The following HMX1 variants were observed in gnomAD, a reference collection of about 807,000 sequenced individuals.
HMX1 encodes H6 family homeobox 1, also known as homeobox protein HMX1.
In HMX1, 8 loss-of-function variants were observed where a neutral mutation model predicts 8.9. That is an observed-to-expected ratio of 0.90 (90% CI 0.53 to 1.63). The LOEUF (loss-of-function observed/expected upper bound fraction) is 1.63, where lower values mean the gene tolerates loss of function less well. HMX1 is among the 40% of genes most tolerant of loss of function. The pLI is 0.00. For missense variants in HMX1, 621 were observed against 558.5 expected (o/e 1.11, Z -1.13); for synonymous variants, 311 against 283.4 (o/e 1.10, Z -0.98).
In HMX1 at chr4:8,853,606, C is replaced by T. The variant is rs576061390; in HGVS notation, c.395-7282G>A. Reference sequence around the variant, plus strand: ...GTGGCTCACACCTGTAATCCCAGCACTTTGGCAGGCCAAGGCGGGCGGATC... The same window carrying T: ...GTGGCTCACACCTGTAATCCCAGCATTTTGGCAGGCCAAGGCGGGCGGATC... On this transcript the variant is annotated intron_variant, in intron 1 of 1. Transcript: ENST00000506970. This position sits in a 1 kb window ranked among gnomAD's most constrained non-coding sequence, Gnocchi z 4.7. Among the ~76,000 whole-genome samples, 1 of 152,336 alleles carries T rather than the reference C, an allele frequency of 6.6e-6. No homozygotes were observed. Among genetic ancestry groups the T allele is most frequent in the Admixed American group, 6.5e-5 (1 of 15,302 alleles).
At chr4:8,860,379 A>G (rs1721758944) in intron 1 of HMX1, among the ~76,000 whole-genome samples, 1 of 152,228 alleles carries the variant, frequency 6.6e-6, no homozygotes, top group African/African-American at 2.4e-5. Context: ...CACAGCAGCA[A>G]GCAATGCACC....
At chr4:8,862,798 G>A (rs1721870824), downstream of HMX1, among the ~76,000 whole-genome samples, 2 of 152,054 alleles carry the variant, frequency 1.3e-5, no homozygotes, top group Admixed American at 1.3e-4. Context: ...ACGTGGCGAG[G>A]GCCGTTTGCT....
In HMX1 at chr4:8,847,993, T is replaced by G. The variant is rs959019151; in HGVS notation, c.395-1669A>C. On this transcript the variant is annotated intron_variant, in intron 1 of 1. Coordinates refer to the HMX1 transcript ENST00000506970. The surrounding 1 kb of genome is among the most constrained non-coding windows in gnomAD (Gnocchi z 6.0). Reference sequence around the variant, plus strand: ...CTGGAGCGCCAGGTCCAGGGTGACATCTGAGCTCAGCGAACCGAATTTTGA... The same window carrying G: ...CTGGAGCGCCAGGTCCAGGGTGACAGCTGAGCTCAGCGAACCGAATTTTGA... 2.6e-5 allele frequency among the ~76,000 whole-genome samples: 4 copies of G among 152,158 alleles called. No individual in the cohort carries two copies. Among genetic ancestry groups the G allele is most frequent in the African/African-American group, 9.7e-5 (4 of 41,426 alleles).
chr4:8,856,567 T>TA (rs1721614297), intron 1 of HMX1, among the ~76,000 whole-genome samples: 1 of 152,056 alleles, frequency 6.6e-6, no homozygotes, highest in Admixed American at 6.6e-5. Context: ...TTTTCTTTCT[T>TA]AAAAAAATGG....
chr4:8,867,559 C>A lies in HMX1; in HGVS notation c.*134G>T. The A allele has an allele frequency of 8.4e-7, 1 of 1,186,878 alleles. No individual in the cohort carries two copies. Among genetic ancestry groups the A allele is most frequent in the Non-Finnish European group, 1.0e-6 (1 of 959,268 alleles). 73.5% of individuals were successfully genotyped at this position (1,186,878 alleles called of 1,614,324 possible). ...CTGAGGCCCGCCCGGCCGCGGCCTGCGCTCCCGAGGTATCTAGGAGGCCGC... is the reference window on the plus strand; with the variant it reads ...CTGAGGCCCGCCCGGCCGCGGCCTGAGCTCCCGAGGTATCTAGGAGGCCGC... On this transcript the variant is annotated 3_prime_UTR_variant, in exon 2 of 2. Transcript: ENST00000400677.
chr4:8,855,528 T>C (rs1017437260), intron 1 of HMX1, among the ~76,000 whole-genome samples: 10 of 152,104 alleles, frequency 6.6e-5, no homozygotes, highest in African/African-American at 2.4e-4. Context: ...GTGAGTGCCC[T>C]GGACAGATGG....
downstream of HMX1, among the ~76,000 whole-genome samples, chr4:8,863,882 G>T (rs1472432911): frequency 6.6e-6 from 1 of 152,232 alleles, no homozygotes; most frequent in African/African-American, 2.4e-5. Context: ...GTCATTTCCC[G>T]AGGACAGGAC....
chr4:8,867,704 C>T lies in HMX1; in HGVS notation c.1036G>A (p.Gly346Ser), dbSNP rs535529989. The T allele has an allele frequency of 3.1e-6, 4 of 1,272,766 alleles. No homozygotes were observed. The African/African-American group carries it at 4.6e-5, about 15-fold the overall frequency. 78.8% of individuals were successfully genotyped at this position (1,272,766 alleles called of 1,614,324 possible). Residue 346 changes from glycine to serine, a missense_variant, in exon 2 of 2, where the codon GGC becomes AGC. By Grantham distance (56) the Gly-to-Ser change is moderately conservative. Coordinates refer to ENST00000400677, the MANE Select transcript of HMX1 (RefSeq NM_018942.3). ...SVPFLRAQMP[G>S]LV ...CCGGCAGGCGGGGCTCACACCAGGC[C>T]AGGCATCTGCGCCCGCAGAAAGGGC... is the stretch of plus-strand genomic sequence containing the variant.
chr4:8,868,263 C>A lies in HMX1; in HGVS notation c.477G>T (p.Ala159=). The A allele has an allele frequency of 1.4e-6, 2 of 1,440,750 alleles. No homozygotes were observed. Among genetic ancestry groups the A allele is most frequent in the Non-Finnish European group, 1.8e-6 (2 of 1,103,730 alleles). 89.2% of individuals were successfully genotyped at this position (1,440,750 alleles called of 1,614,324 possible). The change falls in exon 2 of 2, where the codon GCG becomes GCT. Residue 159 remains alanine (A), a synonymous_variant. Transcript: ENST00000400677. This position sits in a 1 kb window ranked among gnomAD's most constrained non-coding sequence, Gnocchi z 4.6. The part of the protein sequence containing the change: ...GAWPRGPGPG[A]VQREAAELAA... Reference sequence around the variant, plus strand: ...CCAGCTCCGCTGCCTCCCGCTGCACCGCTCCCGGCCCGGGGCCTCGCGGCC... The same window carrying A: ...CCAGCTCCGCTGCCTCCCGCTGCACAGCTCCCGGCCCGGGGCCTCGCGGCC...
At chr4:8,864,413 G>T (rs1411798852), downstream of HMX1, among the ~76,000 whole-genome samples, 2 of 152,156 alleles carry the variant, frequency 1.3e-5, no homozygotes, top group African/African-American at 2.4e-5. Flanking sequence ...TGCGGAGAGG[G>T]TGAGGAGGTG....
At chr4:8,864,475 C>A (rs746263658), downstream of HMX1, among the ~76,000 whole-genome samples, 3 of 152,274 alleles carry the variant, frequency 2.0e-5, no homozygotes, top group Non-Finnish European at 4.4e-5. Flanking sequence ...GGAGGCAGAT[C>A]GAAGCCATTC....
At chr4:8,861,419 A>G (rs1721814001) in intron 1 of HMX1, among the ~76,000 whole-genome samples, 3 of 151,796 alleles carry the variant, frequency 2.0e-5, no homozygotes, top group African/African-American at 7.3e-5. Context: ...TGTCTCCCCG[A>G]CCCCGACTCG....
At chr4:8,863,829 A>C (rs933125342), downstream of HMX1, among the ~76,000 whole-genome samples, 14 of 152,206 alleles carry the variant, frequency 9.2e-5, no homozygotes, top group African/African-American at 3.4e-4. Context: ...AGTAGCTCCG[A>C]TCCCTGTGGA....
In HMX1 at chr4:8,871,071, C is replaced by CT. The variant is rs1722196135; in HGVS notation, c.394+149_394+150insA. 2 of 866,598 alleles carry CT rather than the reference C, an allele frequency of 2.3e-6. No individual in the cohort carries two copies. Among genetic ancestry groups the CT allele is most frequent in the South Asian group, 6.0e-5 (2 of 33,608 alleles). 53.7% of individuals were successfully genotyped at this position (866,598 alleles called of 1,614,324 possible). A position where few individuals can be genotyped will look rare whatever the true frequency, so the allele number is the denominator to read the frequency against. On this transcript the variant is annotated intron_variant, in intron 1 of 1. Transcript: ENST00000400677. The surrounding 1 kb of genome is among the most constrained non-coding windows in gnomAD (Gnocchi z 4.8). ...CTCCAAACCAGCCCAACCAGGGGCTCCTGGGGGCCCCACAAGGCCCAGACG... is the reference window on the plus strand; with the variant it reads ...CTCCAAACCAGCCCAACCAGGGGCTCTCTGGGGGCCCCACAAGGCCCAGACG...
Position 8,871,441 on chromosome 4 carries a change from C to A in HMX1, c.174G>T (p.Glu58Asp). Residue 58 changes from glutamate (E) to aspartate (D), a missense_variant, in exon 1 of 2, where the codon GAG (glutamate) becomes GAT (aspartate). Glu to Asp is a conservative substitution (Grantham distance 45, BLOSUM62 2). Transcript: ENST00000400677. The surrounding 1 kb of genome is among the most constrained non-coding windows in gnomAD (Gnocchi z 4.8). Reference protein sequence around the residue: ...DDDDPEDEDAEQARRRRLQRR... With the variant: ...DDDDPEDEDADQARRRRLQRR... ...GCTGTAGCCGTCGCCGCCGCGCCTG[C>A]TCGGCGTCCTCGTCTTCGGGGTCGT... The A allele has an allele frequency of 7.5e-7, 1 of 1,328,556 alleles. No individual in the cohort carries two copies. Among genetic ancestry groups the A allele is most frequent in the South Asian group, 1.6e-5 (1 of 63,418 alleles). The allele number at this position is 1,328,556 out of a possible 1,614,324, so 82.3% of individuals were successfully genotyped here.
chr4:8,860,892 A>AG (rs1168857509), intron 1 of HMX1: 1 of 145,240 alleles, frequency 6.9e-6, no homozygotes, highest in Non-Finnish European at 1.5e-5. Context: ...GTGAGAACTG[A>AG]GGGGCGAGGC....
rs917426461 is a variant in HMX1 at position 8,871,228 on chromosome 4, A to T, written c.387T>A (p.Ser129Arg). 3.4e-6 allele frequency: 5 copies of T among 1,478,300 alleles called. No individual in the cohort carries two copies. The highest frequency in any genetic ancestry group is 4.5e-6 in the Non-Finnish European group (5 of 1,120,992). 91.6% of individuals were successfully genotyped at this position (1,478,300 alleles called of 1,614,324 possible). A position where few individuals can be genotyped will look rare whatever the true frequency, so the allele number is the denominator to read the frequency against. ...CCCCGCGCCCTCACTCACTGTCAGG[A>T]CTGAGGCCGCCTCCATAGCCACCGT... ...RAHGGYGGGL[S>R]PDTSDRDSPE... The change falls in exon 1 of 2, where the codon AGT becomes AGA. Residue 129 changes from serine (S) to arginine (R), a missense_variant. Ser to Arg is a moderately radical substitution (Grantham distance 110). Transcript: ENST00000400677. The surrounding 1 kb of genome is among the most constrained non-coding windows in gnomAD (Gnocchi z 4.8).
At chr4:8,855,970 G>A (rs1325161525) in intron 1 of HMX1, among the ~76,000 whole-genome samples, 1 of 152,226 alleles carries the variant, frequency 6.6e-6, no homozygotes, top group Non-Finnish European at 1.5e-5. Context: ...CCAGCGGACA[G>A]TAGCATGCTG....
rs1445718718 is a variant in HMX1, at chr4:8,871,027, C to G, written c.394+194G>C. Among the ~76,000 whole-genome samples the G allele has an allele frequency of 6.6e-6, 1 of 151,948 alleles. No homozygotes were observed. The highest frequency in any genetic ancestry group is 1.5e-5 in the Non-Finnish European group (1 of 67,950). The stretch of plus-strand genomic sequence containing the variant: ...GCAAAACCTCCTCGTTAGCGGAGCT[C>G]CTGCCCCAGAGGGTGGGCCTCCAAA... On this transcript the variant is annotated intron_variant, in intron 1 of 1. Transcript: ENST00000400677. The surrounding 1 kb of genome is among the most constrained non-coding windows in gnomAD (Gnocchi z 4.8).
Sources: gnomAD v4.1 joint callset for allele counts (sites outside exome capture counted in the v4.1 genomes callset) on GRCh38, gnomAD v4.1.1 for gene constraint, Gnocchi (gnomAD v3.1) non-coding constraint, MANE v1.5 for transcripts, NCBI Gene and HGNC (gene_info 2026-07-23, HGNC 2026-07-21) for gene names.